The following COP1 variants were observed in gnomAD, a reference collection of about 807,000 sequenced individuals.
The protein encoded by COP1 is COP1 E3 ubiquitin ligase.
A neutral mutation model predicts 101.3 loss-of-function variants in COP1; 24 were observed. The observed-to-expected ratio is 0.24, with a 90% CI of 0.17 to 0.33. COP1 has a LOEUF of 0.33. Ranked by LOEUF, COP1 falls within the 10% of genes least tolerant of loss-of-function variation. The pLI, the probability that COP1 is intolerant of heterozygous loss-of-function variation, is 1.00. For missense variants in COP1, 663 were observed against 906.2 expected (o/e 0.73, Z 3.45); for synonymous variants, 347 against 341.9 (o/e 1.01, Z -0.17).
intron 18 of COP1, among the ~76,000 whole-genome samples, chr1:175,970,533 A>G (rs943672621): frequency 7.2e-5 from 11 of 152,194 alleles, no homozygotes; most frequent in African/African-American, 2.7e-4. Context: ...AGATCAGGAA[A>G]TAGAGCAGTT....
intron 8 of COP1, among the ~76,000 whole-genome samples, chr1:176,120,413 C>T (rs371235730): frequency 1.3e-5 from 2 of 149,832 alleles, no homozygotes; most frequent in African/African-American, 4.9e-5. Context: ...GGTGACAGGG[C>T]AAGACTCTAT....
chr1:176,165,391 T>TGG (rs1287351574), intron 3 of COP1, among the ~76,000 whole-genome samples: 75 of 145,060 alleles, frequency 5.2e-4, no homozygotes, highest in African/African-American at 1.6e-3. Flanking sequence ...TGTGTGTGTG[T>TGG]GTGTGTGTGT....
chr1:175,945,640 C>G (rs537645883), intron 19 of COP1, among the ~76,000 whole-genome samples: 1 of 152,182 alleles, frequency 6.6e-6, no homozygotes, highest in Admixed American at 6.5e-5. Flanking sequence ...AATCATCTAG[C>G]GTCCAGATAC....
intron 8 of COP1, among the ~76,000 whole-genome samples, chr1:176,131,696 C>A (rs1412899359): frequency 1.3e-5 from 2 of 151,700 alleles, no homozygotes; most frequent in Non-Finnish European, 1.5e-5. Context: ...AAAGAAAAAT[C>A]AAATATGAAT....
chr1:176,205,699 C>A (rs746395782), intron 1 of COP1, among the ~76,000 whole-genome samples: 13 of 152,194 alleles, frequency 8.5e-5, no homozygotes, highest in Non-Finnish European at 1.5e-4. Flanking sequence ...CAATCAACAC[C>A]ACCTTTCACT....
chr1:175,988,832 C>CAA (rs375033166), intron 16 of COP1: 4 of 143,076 alleles, frequency 2.8e-5, no homozygotes, highest in Admixed American at 1.4e-4. Flanking sequence ...GACTCTGTGC[C>CAA]AAAAAAAAAA....
At chr1:176,073,035 G>T (rs189644190) in intron 11 of COP1, among the ~76,000 whole-genome samples, 44 of 152,178 alleles carry the variant, frequency 2.9e-4, no homozygotes, top group Admixed American at 1.3e-3. Context: ...ATTCAGGTAC[G>T]CCTGTATCCA....
rs1057314092 is a variant in COP1 at position 175,980,269 on chromosome 1, T to C, written c.2133+6674A>G. Among the ~76,000 whole-genome samples, 8 of 152,210 alleles carry C rather than the reference T, an allele frequency of 5.3e-5. No individual in the cohort carries two copies. The South Asian group carries it at 1.2e-3, about 24-fold the overall frequency. The stretch of plus-strand genomic sequence containing the variant: ...TTTTTTGAGGAGTCTGGAGGTTACA[T>C]GAACACAAATACAATACAAGACAGT... On this transcript the variant is annotated intron_variant, in intron 18 of 19. Transcript: ENST00000367669.
At chr1:176,037,991 A>G (rs1669871421) in intron 14 of COP1, among the ~76,000 whole-genome samples, 1 of 152,222 alleles carries the variant, frequency 6.6e-6, no homozygotes, top group African/African-American at 2.4e-5. Context: ...AAAATGAAAA[A>G]GTATTTATGT....
At chr1:176,058,104 G>C (rs1308778817) in intron 11 of COP1, among the ~76,000 whole-genome samples, 5 of 128,020 alleles carry the variant, frequency 3.9e-5, no homozygotes, top group Non-Finnish European at 8.5e-5. Flanking sequence ...GCCCCCGCCC[G>C]GCCAGCCACC....
At chr1:175,960,897 G>C (rs1307790074) in intron 18 of COP1, among the ~76,000 whole-genome samples, 1 of 152,234 alleles carries the variant, frequency 6.6e-6, no homozygotes, top group Non-Finnish European at 1.5e-5. Context: ...TTCCAGAAGA[G>C]ACTGGTGTGT....
chr1:175,982,257 A>C, intron 18 of COP1: 1 of 425,718 alleles, frequency 2.3e-6, no homozygotes, highest in South Asian at 1.7e-5. Context: ...CATTATTCAC[A>C]ACAGCAAAGA....
intron 18 of COP1, among the ~76,000 whole-genome samples, chr1:175,961,516 A>G (rs1651343699): frequency 6.6e-6 from 1 of 152,078 alleles, no homozygotes. Context: ...CCATAGGCCA[A>G]CAGGGGAAAT....
intron 14 of COP1, 69 bp from the exon 15 acceptor site, chr1:176,027,757 G>A: frequency 1.1e-6 from 1 of 924,608 alleles, no homozygotes. Flanking sequence ...TCTGTAACTT[G>A]GGAAAGTTGG....
intron 3 of COP1, among the ~76,000 whole-genome samples, chr1:176,172,063 T>C (rs1696158715): frequency 6.6e-6 from 1 of 152,188 alleles, no homozygotes; most frequent in Non-Finnish European, 1.5e-5. Context: ...TTTAATTATT[T>C]TTGAGACAGA....
At chr1:175,976,505 T>G (rs752192737) in intron 18 of COP1, among the ~76,000 whole-genome samples, 2 of 152,038 alleles carry the variant, frequency 1.3e-5, no homozygotes, top group Non-Finnish European at 2.9e-5. Flanking sequence ...CTCAAACTCC[T>G]GGCCTCAAGT....
chr1:176,093,953 G>T (rs1163686035), intron 9 of COP1, among the ~76,000 whole-genome samples: 1 of 151,888 alleles, frequency 6.6e-6, no homozygotes, highest in Non-Finnish European at 1.5e-5. Context: ...AACCCAGGAA[G>T]CGGAGGTTGT....
At chr1:175,949,127 CACTCCAGCCTGGCTGGAGAG>C (rs1464666024) in intron 18 of COP1, among the ~76,000 whole-genome samples, 11 of 133,160 alleles carry the variant, frequency 8.3e-5, no homozygotes, top group Admixed American at 2.6e-4. Context: ...TGCACCACTG[CACTCCAGCCTGGCTGGAGAG>C]ACTCCAGCAA....
intron 15 of COP1, among the ~76,000 whole-genome samples, chr1:175,997,432 A>G (rs1050759239): frequency 1.9e-4 from 29 of 152,018 alleles, no homozygotes; most frequent in East Asian, 3.9e-4. Context: ...TCTGCACAGC[A>G]AAAGAAACTA....
Sources: gnomAD v4.1 joint callset for allele counts (sites outside exome capture counted in the v4.1 genomes callset) on GRCh38, gnomAD v4.1.1 for gene constraint, MANE v1.5 for transcripts, NCBI Gene and HGNC (gene_info 2026-07-23, HGNC 2026-07-21) for gene names.